CCDC134: variants seen among roughly 807,000 people sequenced by gnomAD.
The protein encoded by CCDC134 is coiled-coil domain-containing protein 134.
In CCDC134, 27 loss-of-function variants were observed where a neutral mutation model predicts 25.6. The ratio of observed to expected loss-of-function variants is 1.05; its 90% CI spans 0.78 to 1.45. The LOEUF is 1.45. Among genes scored for constraint, CCDC134 ranks in the 40% most tolerant of loss-of-function variants. CCDC134 has a pLI of 0.00. For missense variants in CCDC134, 261 were observed against 286.7 expected, an observed-to-expected ratio of 0.91 and a Z score of 0.65; for synonymous variants, 110 against 115.0, an observed-to-expected ratio of 0.96 and a Z score of 0.28.
At chr22:41,803,989 C>T (rs1205191642) in intron 1 of CCDC134, among the ~76,000 whole-genome samples, 3 of 151,948 alleles carry the variant, frequency 2.0e-5, no homozygotes, top group African/African-American at 4.8e-5. Flanking sequence ...AAAAATTACC[C>T]GGGCGTGGTG....
chr22:41,804,308 C>T (rs113825699), intron 1 of CCDC134, among the ~76,000 whole-genome samples: 10 of 152,136 alleles, frequency 6.6e-5, no homozygotes, highest in Non-Finnish European at 1.2e-4. Flanking sequence ...ATACATTAGG[C>T]ACAAGGCTTG....
intron 6 of CCDC134, among the ~76,000 whole-genome samples, chr22:41,821,417 C>T (rs1265353860): frequency 6.6e-6 from 1 of 151,326 alleles, no homozygotes; most frequent in Non-Finnish European, 1.5e-5. Context: ...TGTGCTGCAC[C>T]CATTAACTTG....
chr22:41,823,408 T>C (rs911375678), intron 6 of CCDC134, among the ~76,000 whole-genome samples: 3 of 151,964 alleles, frequency 2.0e-5, no homozygotes, highest in Non-Finnish European at 2.9e-5. Flanking sequence ...TATTTTTCAG[T>C]AGAGACAAGG....
Position 41,830,884 on chromosome 22 carries a change from C to CTTTT in CCDC134, c.*5080_*5083dup, listed in dbSNP as rs67246997. On this transcript the variant is annotated 3_prime_UTR_variant, in exon 7 of 7. Coordinates refer to ENST00000255784, the MANE Select transcript of CCDC134 (RefSeq NM_024821.5). Reference sequence around the variant, plus strand: ...AGATCCTTATTTTTTCTTTTCTTTTCTTTTTTTTTTTTTTTTTTTTTTGAG... The same window carrying CTTTT: ...AGATCCTTATTTTTTCTTTTCTTTTCTTTTTTTTTTTTTTTTTTTTTTTTTTGAG... Among the ~76,000 whole-genome samples, 148 of 117,210 alleles carry CTTTT rather than the reference C, an allele frequency of 1.3e-3. No individual in the cohort carries two copies. Among genetic ancestry groups the CTTTT allele is most frequent in the African/African-American group, 3.5e-3 (90 of 25,440 alleles). The allele number at this position is 117,210 out of a possible 152,430, so 76.9% of individuals were successfully genotyped here.
In CCDC134 at chr22:41,817,656, C is replaced by T. The variant is rs184576906; in HGVS notation, c.564+3834C>T. On this transcript the variant is annotated intron_variant, in intron 6 of 6. Coordinates refer to ENST00000255784, the MANE Select transcript of CCDC134 (RefSeq NM_024821.5). ...CTGAGGCAGGAGAATCGCTTGAACC[C>T]GGGAGGCAGAGGTTGCAGTGAGGTG... 3.3e-4 allele frequency among the ~76,000 whole-genome samples: 50 copies of T among 151,932 alleles called. No homozygotes were observed. In the East Asian group the frequency reaches 7.9e-3, roughly 24 times the overall value.
Position 41,807,775 on chromosome 22 carries a change from A to G in CCDC134, c.-16-1100A>G, listed in dbSNP as rs6002496. ...AGTGGCTCACGCCTGTAATCCCAGT[A>G]TTTGGGAGGCTGGGGCGAGAGGATC... On this transcript the variant is annotated intron_variant, in intron 1 of 6. Transcript: ENST00000255784. 3.0e-4 allele frequency among the ~76,000 whole-genome samples: 45 copies of G among 151,954 alleles called. 1 individual carries two copies. The highest frequency in any genetic ancestry group is 1.1e-3 in the African/African-American group (44 of 41,436).
intron 1 of CCDC134, among the ~76,000 whole-genome samples, chr22:41,803,963 CTACAAAAAA>C (rs1213702499): frequency 6.6e-6 from 1 of 151,688 alleles, no homozygotes; most frequent in Non-Finnish European, 1.5e-5. Context: ...AACCCCGTCT[CTACAAAAAA>C]TACAAAAAAA....
At position 41,825,816 on chromosome 22, in the gene CCDC134, A is replaced by T. The variant is rs1334371684; in HGVS notation, c.683A>T (p.Glu228Val). 6.2e-7 allele frequency: 1 copy of T among 1,614,072 alleles called. No individual in the cohort carries two copies. Among genetic ancestry groups the T allele is most frequent in the South Asian group, 1.1e-5 (1 of 91,084 alleles). ...CCAAGGATCTCCAGATCCCAGTCTG[A>T]GTTATAGCCCTGGAGCAGCTCAGGG... ...KGPRISRSQS[E>V]L is the part of the protein sequence containing the mutation. Residue 228 changes from glutamate (E) to valine (V), a missense_variant, in exon 7 of 7, where the codon GAG becomes GTG. Coordinates refer to ENST00000255784, the MANE Select transcript of CCDC134 (RefSeq NM_024821.5). The surrounding 1 kb of genome is among the most constrained non-coding windows in gnomAD (Gnocchi z 4.4).
Position 41,826,051 on chromosome 22 carries a change from A to G in CCDC134, c.*228A>G, listed in dbSNP as rs1376348705. ...GCTGAAGGGGCCTTCAGAGGATTTT[A>G]TGCTGGAAATATGACCCTGTGCAGA... On this transcript the variant is annotated 3_prime_UTR_variant, in exon 7 of 7. Coordinates refer to ENST00000255784, the MANE Select transcript of CCDC134 (RefSeq NM_024821.5). 4.0e-6 allele frequency: 2 copies of G among 498,226 alleles called. No individual in the cohort carries two copies. Among genetic ancestry groups the G allele is most frequent in the Non-Finnish European group, 7.3e-6 (2 of 274,804 alleles). The allele number at this position is 498,226 out of a possible 1,614,324, so 30.9% of individuals were successfully genotyped here. A position where few individuals can be genotyped will look rare whatever the true frequency, so the allele number is the denominator to read the frequency against.
In CCDC134 at chr22:41,826,634, C is replaced by T. The variant is rs945672584; in HGVS notation, c.*811C>T. On this transcript the variant is annotated 3_prime_UTR_variant, in exon 7 of 7. Coordinates refer to ENST00000255784, the MANE Select transcript of CCDC134 (RefSeq NM_024821.5). ...TCTGGCAGCGCTGGAAGACAGTCAA[C>T]CTGTGGGTGGGGGGCTGCAGGGGGA... 1.3e-5 allele frequency among the ~76,000 whole-genome samples: 2 copies of T among 152,240 alleles called. No individual in the cohort carries two copies. The highest frequency in any genetic ancestry group is 6.5e-5 in the Admixed American group (1 of 15,286).
chr22:41,807,055 C>A (rs1485110657), intron 1 of CCDC134, among the ~76,000 whole-genome samples: 18 of 151,732 alleles, frequency 1.2e-4, no homozygotes, highest in Admixed American at 1.2e-3. Flanking sequence ...CTCAAAAAAA[C>A]AAAACAAAAC....
chr22:41,808,399 A>G (rs2063341075), intron 1 of CCDC134, among the ~76,000 whole-genome samples: 1 of 151,982 alleles, frequency 6.6e-6, no homozygotes, highest in Non-Finnish European at 1.5e-5. Context: ...CCTTGACCAG[A>G]TGCTTTCCTG....
chr22:41,813,469 C>T (rs1437448290), intron 5 of CCDC134, 24 bp downstream of exon 5: 2 of 1,613,484 alleles, frequency 1.2e-6, no homozygotes, highest in East Asian at 4.5e-5. Context: ...TGGAGGTGGC[C>T]CGGGAGCCCT....
intron 6 of CCDC134, among the ~76,000 whole-genome samples, chr22:41,817,849 A>G (rs2076630197): frequency 6.6e-6 from 1 of 152,252 alleles, no homozygotes; most frequent in African/African-American, 2.4e-5. Flanking sequence ...CAGTAAGAAT[A>G]TAACATGCAT....
intron 1 of CCDC134, among the ~76,000 whole-genome samples, chr22:41,807,931 C>G (rs2076576429): frequency 6.6e-6 from 1 of 152,080 alleles, no homozygotes. Flanking sequence ...GAGGACAAGG[C>G]AGGCGGATCA....
At chr22:41,802,717 A>G (rs2148301570) in intron 1 of CCDC134, among the ~76,000 whole-genome samples, 1 of 152,198 alleles carries the variant, frequency 6.6e-6, no homozygotes, top group African/African-American at 2.4e-5. Flanking sequence ...GATCGAGACC[A>G]TCCTGGCTAA....
chr22:41,803,007 G>A (rs574129365), intron 1 of CCDC134, among the ~76,000 whole-genome samples: 1 of 152,280 alleles, frequency 6.6e-6, no homozygotes, highest in Non-Finnish European at 1.5e-5. Flanking sequence ...CCAGCTACTA[G>A]GGAGGCTGAG....
intron 6 of CCDC134, among the ~76,000 whole-genome samples, chr22:41,818,681 G>A (rs1040515981): frequency 6.6e-6 from 1 of 152,178 alleles, no homozygotes; most frequent in Non-Finnish European, 1.5e-5. Flanking sequence ...CCTCAGTGGG[G>A]TAGCTGCCAC....
chr22:41,823,556 T>C (rs1036284796), intron 6 of CCDC134, among the ~76,000 whole-genome samples: 1 of 152,212 alleles, frequency 6.6e-6, no homozygotes, highest in African/African-American at 2.4e-5. Context: ...CAAAACACTC[T>C]TAATATGAAA....
Sources: gnomAD v4.1 joint callset for allele counts (sites outside exome capture counted in the v4.1 genomes callset) on GRCh38, gnomAD v4.1.1 for gene constraint, Gnocchi (gnomAD v3.1) non-coding constraint, MANE v1.5 for transcripts, NCBI Gene and HGNC (gene_info 2026-07-23, HGNC 2026-07-21) for gene names.